DNAH9: variants seen among roughly 807,000 people sequenced by gnomAD.
DNAH9 encodes the protein dynein axonemal heavy chain 9.
A neutral mutation model predicts 471.6 loss-of-function variants in DNAH9; 345 were observed. The ratio of observed to expected loss-of-function variants is 0.73; its 90% CI spans 0.67 to 0.80. DNAH9 has a LOEUF of 0.80. DNAH9 is among the 30% of genes least tolerant of loss of function. The probability of loss-of-function intolerance (pLI) is 0.00; values close to 1 mark genes in which losing one functional copy is unlikely to be tolerated. For synonymous variants in DNAH9, 2,093 were observed against 2,123.6 expected, an observed-to-expected ratio of 0.99 and a Z score of 0.40; for missense variants, 5,407 against 5,609.2, an observed-to-expected ratio of 0.96 and a Z score of 1.15.
At chr17:11,778,179 C>T (rs1021858759) in intron 38 of DNAH9, among the ~76,000 whole-genome samples, 1 of 151,290 alleles carries the variant, frequency 6.6e-6, no homozygotes, top group Non-Finnish European at 1.5e-5. Context: ...AGAGCAAAGC[C>T]ATGGGTCAGC....
chr17:11,778,563 C>T (rs764501013), intron 38 of DNAH9, among the ~76,000 whole-genome samples: 13 of 151,804 alleles, frequency 8.6e-5, no homozygotes, highest in African/African-American at 2.2e-4. Flanking sequence ...TCTTGTCTGC[C>T]GTTTTGAGAA....
At chr17:11,873,946 G>A (rs555669642) in intron 52 of DNAH9, among the ~76,000 whole-genome samples, 19 of 152,074 alleles carry the variant, frequency 1.2e-4, no homozygotes, top group Admixed American at 1.1e-3. Context: ...AAGATTGCCT[G>A]TAAAAAAAAT....
At chr17:11,602,222 T>A (rs757723031) in intron 1 of DNAH9, among the ~76,000 whole-genome samples, 1 of 152,238 alleles carries the variant, frequency 6.6e-6, no homozygotes, top group Non-Finnish European at 1.5e-5. Context: ...ATGTGCTCAC[T>A]CTGCCAGGTC....
At chr17:11,849,370 C>T (rs1355565241) in intron 49 of DNAH9, among the ~76,000 whole-genome samples, 1 of 152,180 alleles carries the variant, frequency 6.6e-6, no homozygotes, top group Non-Finnish European at 1.5e-5. Flanking sequence ...TCATTCCATT[C>T]CCTGCCGAAA....
At chr17:11,676,275 C>CTTTT (rs67397847) in intron 17 of DNAH9, among the ~76,000 whole-genome samples, 501 of 73,234 alleles carry the variant, frequency 6.8e-3, no homozygotes, top group Non-Finnish European at 9.5e-3. Flanking sequence ...CATTTCTGTT[C>CTTTT]TTTTTTTTTT....
chr17:11,935,584 C>T (rs530445736), intron 65 of DNAH9, among the ~76,000 whole-genome samples: 6 of 151,376 alleles, frequency 4.0e-5, no homozygotes, highest in African/African-American at 9.7e-5. Context: ...TCATGTTGGT[C>T]AGGCTGGTCT....
intron 20 of DNAH9, 74 bp from the exon 21 acceptor site, chr17:11,693,794 A>G: frequency 6.6e-7 from 1 of 1,517,244 alleles, no homozygotes; most frequent in Non-Finnish European, 9.1e-7. Context: ...TTCTGCTTCT[A>G]ACTGGCTCCA....
chr17:11,833,424 G>T (rs1390813930), intron 48 of DNAH9, among the ~76,000 whole-genome samples: 1 of 152,200 alleles, frequency 6.6e-6, no homozygotes, highest in East Asian at 1.9e-4. Flanking sequence ...CCACTCAAAG[G>T]CAGGCAGAAA....
intron 63 of DNAH9, 138 bp from the exon 64 acceptor site, chr17:11,931,876 T>C (rs1974522650): frequency 2.2e-6 from 2 of 911,408 alleles, no homozygotes; most frequent in Admixed American, 4.2e-5. Flanking sequence ...CCCCAGGCTG[T>C]AGTCTCGCTG....
At position 11,664,948 on chromosome 17, in the gene DNAH9, A is replaced by C. The variant is rs563643312; in HGVS notation, c.2711A>C (p.Lys904Thr). 71 of 1,613,458 alleles carry C rather than the reference A, an allele frequency of 4.4e-5. 2 individuals are homozygous for C. The South Asian group carries it at 7.3e-4, about 16-fold the overall frequency. The stretch of plus-strand genomic sequence containing the variant: ...TTTCTTGCCATTGAGTGCTCCCTCA[A>C]GTATCTTCTGGAAAATACTGGTACT... ...GFFLAIECSLKYLLENTECKA... is the reference protein window; with the variant it reads ...GFFLAIECSLTYLLENTECKA... The change falls in exon 15 of 69, where the codon AAG becomes ACG. Residue 904 changes from lysine (K) to threonine (T), a missense_variant. Physicochemically the swap from Lys to Thr is moderately conservative, Grantham distance 78 (BLOSUM62 -1). Transcript: ENST00000262442.
rs765611046 is a variant in DNAH9, at chr17:11,875,009, G to T, written c.10303G>T (p.Val3435Leu). ...GAGGATGCTGATGGATGATGCTGAC[G>T]TGGCTGCCTGGCAGAACGAGGGCCT... is the stretch of plus-strand genomic sequence containing the variant. ...PLRMLMDDAD[V>L]AAWQNEGLPA... The change falls in exon 53 of 69, where the codon GTG becomes TTG. Residue 3435 changes from valine (V) to leucine (L), a missense_variant. Coordinates refer to ENST00000262442, the MANE Select transcript of DNAH9 (RefSeq NM_001372.4). 1.2e-6 allele frequency: 2 copies of T among 1,613,972 alleles called. No individual in the cohort carries two copies. Among genetic ancestry groups the T allele is most frequent in the African/African-American group, 2.7e-5 (2 of 74,896 alleles).
At chr17:11,915,690 G>A (rs1973928680) in intron 61 of DNAH9, among the ~76,000 whole-genome samples, 1 of 152,118 alleles carries the variant, frequency 6.6e-6, no homozygotes, top group Admixed American at 6.5e-5. Context: ...CTAGGACATT[G>A]GCACAAATTG....
intron 1 of DNAH9, among the ~76,000 whole-genome samples, chr17:11,604,510 A>G (rs888394471): frequency 2.6e-5 from 4 of 152,140 alleles, no homozygotes; most frequent in Admixed American, 1.3e-4. Flanking sequence ...CAACTAGCAT[A>G]TCCAGCTGCC....
At position 11,834,653 on chromosome 17, in the gene DNAH9, G is replaced by T; in HGVS notation, c.9262G>T (p.Ala3088Ser). 1 of 1,614,060 alleles carries T rather than the reference G, an allele frequency of 6.2e-7. No individual in the cohort carries two copies. The highest frequency in any genetic ancestry group is 1.1e-5 in the South Asian group (1 of 91,036). ...TCCAATGCAGGTGGATGATCTGAAA[G>T]CAAAGCTGGCTGCCCAGGAAGTAGA... ...STSAQVDDLK[A>S]KLAAQEVELK... The change falls in exon 49 of 69, where the codon GCA (alanine) becomes TCA (serine). Residue 3088 changes from alanine to serine, a missense_variant. Physicochemically the swap from Ala to Ser is moderately conservative, Grantham distance 99. This residue lies in a region of DNAH9 where 4,636 missense variants were observed against 4,900.3 expected (regional missense o/e 0.95). Coordinates refer to ENST00000262442, the MANE Select transcript of DNAH9 (RefSeq NM_001372.4).
chr17:11,898,342 C>T (rs1170295543), intron 59 of DNAH9, among the ~76,000 whole-genome samples: 1 of 152,110 alleles, frequency 6.6e-6, no homozygotes, highest in Non-Finnish European at 1.5e-5. Flanking sequence ...AGGATGGTCT[C>T]AATCTCTTGA....
rs2072305725 is a variant in DNAH9 at position 11,598,507 on chromosome 17, C to CGCGGAGGAGCGGGCCGCGCTCGCG, written c.16_39dup (p.Glu6_Glu13dup). The CGCGGAGGAGCGGGCCGCGCTCGCG allele has an allele frequency of 7.4e-7, 1 of 1,353,718 alleles. No individual in the cohort carries two copies. Among genetic ancestry groups the CGCGGAGGAGCGGGCCGCGCTCGCG allele is most frequent in the African/African-American group, 1.5e-5 (1 of 65,150 alleles). The allele number at this position is 1,353,718 out of a possible 1,614,324, so 83.9% of individuals were successfully genotyped here. The stretch of plus-strand genomic sequence containing the variant: ...GCTGGAGGCCGCGCGCGATGCGGCT[C>CGCGGAGGAGCGGGCCGCGCTCGCG]GCGGAGGAGCGGGCCGCGCTCGCGG... On this transcript the variant is annotated inframe_insertion, in exon 1 of 69. Transcript: ENST00000262442.
At chr17:11,808,819 G>T (rs1185518859) in intron 44 of DNAH9, among the ~76,000 whole-genome samples, 1 of 152,276 alleles carries the variant, frequency 6.6e-6, no homozygotes, top group East Asian at 1.9e-4. Context: ...AACTAGTCTG[G>T]GGAATGGCCT....
At chr17:11,751,810 T>G (rs988123564) in intron 32 of DNAH9, among the ~76,000 whole-genome samples, 11 of 152,082 alleles carry the variant, frequency 7.2e-5, no homozygotes, top group African/African-American at 2.2e-4. Context: ...AATTATTGTG[T>G]TGTTTATTAT....
At chr17:11,637,437 A>T (rs1317617676) in intron 9 of DNAH9, among the ~76,000 whole-genome samples, 1 of 152,092 alleles carries the variant, frequency 6.6e-6, no homozygotes, top group Non-Finnish European at 1.5e-5. Context: ...CTTGAGTTGT[A>T]AAGAATGGTA....
Sources: allele counts gnomAD v4.1 joint callset (sites outside exome capture counted in the v4.1 genomes callset), GRCh38; gene constraint gnomAD v4.1.1; regional missense constraint gnomAD v4.1.1; transcripts MANE v1.5; gene names NCBI Gene and HGNC (gene_info 2026-07-23, HGNC 2026-07-21).